INPP4B: variants seen among roughly 807,000 people sequenced by gnomAD.
INPP4B encodes the protein inositol polyphosphate-4-phosphatase type II B.
In INPP4B, 55 loss-of-function variants were observed where a neutral mutation model predicts 122.5. The ratio of observed to expected loss-of-function variants is 0.45; its 90% CI spans 0.36 to 0.56. The LOEUF (loss-of-function observed/expected upper bound fraction) is 0.56, where lower values mean the gene tolerates loss of function less well. Among genes scored for constraint, INPP4B ranks in the 20% least tolerant of loss-of-function variants. The probability of loss-of-function intolerance (pLI) is 0.00; values close to 1 mark genes in which losing one functional copy is unlikely to be tolerated. For missense variants in INPP4B, 1,000 were observed against 1,097.7 expected, an observed-to-expected ratio of 0.91 and a Z score of 1.26; for synonymous variants, 403 against 388.7, an observed-to-expected ratio of 1.04 and a Z score of -0.43.
At chr4:142,623,389 T>C (rs954456080) in intron 2 of INPP4B, among the ~76,000 whole-genome samples, 1 of 151,848 alleles carries the variant, frequency 6.6e-6, no homozygotes, top group Non-Finnish European at 1.5e-5. Flanking sequence ...ACCACATGAC[T>C]GGAGTTGACA....
chr4:142,771,498 G>A (rs1773059685), intron 1 of INPP4B, among the ~76,000 whole-genome samples: 1 of 152,110 alleles, frequency 6.6e-6, no homozygotes, highest in Non-Finnish European at 1.5e-5. Context: ...TACTATTCCA[G>A]GTAAGAGATG....
chr4:142,509,795 A>G (rs1335984035), intron 2 of INPP4B, among the ~76,000 whole-genome samples: 1 of 152,204 alleles, frequency 6.6e-6, no homozygotes, highest in Non-Finnish European at 1.5e-5. Flanking sequence ...ATAAAGGAGG[A>G]ATCATGGCCC....
rs762650135 is a variant in INPP4B, at chr4:142,431,198, G to C, written c.62C>G (p.Ala21Gly). 6.2e-6 allele frequency: 10 copies of C among 1,613,036 alleles called. No individual in the cohort carries two copies. Among genetic ancestry groups the C allele is most frequent in the Non-Finnish European group, 8.5e-6 (10 of 1,179,308 alleles). The stretch of plus-strand genomic sequence containing the variant: ...GAACTGACAGTCCCCGGGATCATTG[G>C]CCTGGGCTGTAGGAAGAAAGTGCTG... ...EGQHFLPTAQ[A>G]NDPGDCQFTS... The change falls in exon 4 of 26, where the codon GCC becomes GGC. Residue 21 changes from alanine (A) to glycine (G), a missense_variant. Ala to Gly is a moderately conservative substitution (Grantham distance 60). Transcript: ENST00000262992.
chr4:142,734,613 C>G (rs114830264), intron 1 of INPP4B, among the ~76,000 whole-genome samples: 1 of 152,090 alleles, frequency 6.6e-6, no homozygotes, highest in Non-Finnish European at 1.5e-5. Flanking sequence ...CTGTCTATGG[C>G]CCTTAAAAAA....
At chr4:142,717,088 AT>A (rs1394361523) in intron 2 of INPP4B, among the ~76,000 whole-genome samples, 3 of 152,172 alleles carry the variant, frequency 2.0e-5, no homozygotes, top group African/African-American at 7.2e-5. Flanking sequence ...CTTTTTATTG[AT>A]GAGGAAATGA....
At chr4:142,550,121 T>C (rs937050858) in intron 2 of INPP4B, among the ~76,000 whole-genome samples, 8 of 152,112 alleles carry the variant, frequency 5.3e-5, no homozygotes, top group Admixed American at 5.2e-4. Context: ...AACAAGGATA[T>C]TGCCTCTGAT....
intron 25 of INPP4B, among the ~76,000 whole-genome samples, chr4:142,039,249 GC>G: frequency 6.6e-6 from 1 of 152,188 alleles, no homozygotes; most frequent in South Asian, 2.1e-4. Context: ...AGAATACAAA[GC>G]ATGCTGAAAT....
At chr4:142,316,467 CTGTA>C (rs1767718289) in intron 7 of INPP4B, among the ~76,000 whole-genome samples, 1 of 152,108 alleles carries the variant, frequency 6.6e-6, no homozygotes, top group Non-Finnish European at 1.5e-5. Context: ...CCCTCTAACT[CTGTA>C]TGTATATGTA....
At chr4:142,427,458 T>C (rs1051756413) in intron 5 of INPP4B, 4 of 680,540 alleles carry the variant, frequency 5.9e-6, no homozygotes, top group Admixed American at 5.8e-5. Flanking sequence ...GCTGCTAATC[T>C]CTTAATTCTT....
intron 2 of INPP4B, among the ~76,000 whole-genome samples, chr4:142,702,730 C>CAAAAAAAAAAAAAAAAAAAAAAAA: frequency 1.6e-5 from 1 of 64,326 alleles, no homozygotes; most frequent in Non-Finnish European, 2.9e-5. Flanking sequence ...AACTCCGTCT[C>CAAAAAAAAAAAAAAAAAAAAAAAA]AAAAAAAAAA....
At chr4:142,530,599 A>G (rs887070368) in intron 2 of INPP4B, among the ~76,000 whole-genome samples, 46 of 151,564 alleles carry the variant, frequency 3.0e-4, no homozygotes, top group Admixed American at 1.6e-3. Flanking sequence ...ACAGACGCAC[A>G]TACATACACA....
intron 12 of INPP4B, among the ~76,000 whole-genome samples, chr4:142,235,444 C>T (rs192911595): frequency 6.6e-6 from 1 of 151,866 alleles, no homozygotes; most frequent in Admixed American, 6.6e-5. Context: ...TTTTTTGAGA[C>T]GGAGTCTCGC....
At chr4:142,533,840 G>A (rs1827893987) in intron 2 of INPP4B, among the ~76,000 whole-genome samples, 1 of 152,144 alleles carries the variant, frequency 6.6e-6, no homozygotes, top group African/African-American at 2.4e-5. Flanking sequence ...CAACTAATGT[G>A]GTAGTCATCA....
chr4:142,144,680 G>A (rs1337166254), intron 18 of INPP4B, among the ~76,000 whole-genome samples: 1 of 152,032 alleles, frequency 6.6e-6, no homozygotes, highest in Admixed American at 6.6e-5. Flanking sequence ...TAGCATAAAT[G>A]TTTTGCCTAT....
intron 3 of INPP4B, among the ~76,000 whole-genome samples, chr4:142,435,426 C>T (rs1354390032): frequency 7.6e-6 from 1 of 130,806 alleles, no homozygotes; most frequent in Non-Finnish European, 1.6e-5. Flanking sequence ...TTAAAAAATC[C>T]CTACATAGTT....
At chr4:142,418,869 G>A (rs916576527) in intron 5 of INPP4B, among the ~76,000 whole-genome samples, 1 of 152,144 alleles carries the variant, frequency 6.6e-6, no homozygotes, top group African/African-American at 2.4e-5. Flanking sequence ...GGTGGAGACT[G>A]AGCAGGGACA....
At chr4:142,518,268 G>C (rs1467461480) in intron 2 of INPP4B, among the ~76,000 whole-genome samples, 2 of 152,022 alleles carry the variant, frequency 1.3e-5, no homozygotes, top group African/African-American at 4.8e-5. Context: ...TGTGACACCA[G>C]AGTTTTCCCA....
chr4:142,356,652 T>C (rs1020173245), intron 7 of INPP4B, among the ~76,000 whole-genome samples: 1 of 151,924 alleles, frequency 6.6e-6, no homozygotes, highest in Non-Finnish European at 1.5e-5. Flanking sequence ...ATTTCCTGAG[T>C]GATAGAAGTG....
chr4:142,788,188 T>C (rs1270194023), intron 1 of INPP4B, among the ~76,000 whole-genome samples: 3 of 152,072 alleles, frequency 2.0e-5, no homozygotes, highest in Admixed American at 1.3e-4. Context: ...ACTTAAAAAA[T>C]AGGCAATATT....
Sources: allele counts gnomAD v4.1 joint callset (sites outside exome capture counted in the v4.1 genomes callset), GRCh38; gene constraint gnomAD v4.1.1; transcripts MANE v1.5; gene names NCBI Gene and HGNC (gene_info 2026-07-23, HGNC 2026-07-21).